PIBF1: variants seen among roughly 807,000 people sequenced by gnomAD.
PIBF1 encodes progesterone immunomodulatory binding factor 1, also known as progesterone-induced-blocking factor 1.
In PIBF1, 90 loss-of-function variants were observed where a neutral mutation model predicts 112.5. The observed-to-expected ratio is 0.80, with a 90% CI of 0.67 to 0.95. The LOEUF is 0.95. Ranked by LOEUF, PIBF1 falls within the 40% of genes least tolerant of loss-of-function variation. The probability of loss-of-function intolerance (pLI) is 0.00; values close to 1 mark genes in which losing one functional copy is unlikely to be tolerated. For missense variants in PIBF1, 915 were observed against 852.3 expected (o/e 1.07, Z -0.92); for synonymous variants, 301 against 288.6 (o/e 1.04, Z -0.44).
At chr13:72,959,067 C>T (rs1044808761) in intron 14 of PIBF1, among the ~76,000 whole-genome samples, 17 of 151,928 alleles carry the variant, frequency 1.1e-4, no homozygotes, top group African/African-American at 2.9e-4. Context: ...GGCGTGATCT[C>T]GGCTCACTGC....
Position 72,943,370 on chromosome 13 carries a change from A to G in PIBF1, c.1833+12103A>G, listed in dbSNP as rs145685413. Among the ~76,000 whole-genome samples the G allele has an allele frequency of 1.5e-3, 223 of 152,378 alleles. 2 individuals carry two copies. The East Asian group carries it at 0.029, about 20-fold the overall frequency. On this transcript the variant is annotated intron_variant, in intron 14 of 17. Coordinates refer to ENST00000326291, the MANE Select transcript of PIBF1 (RefSeq NM_006346.4). Reference sequence around the variant, plus strand: ...AAGATTTGAAATGTTCCTAATACAAAGAAATGACAAATGTTTAAGGTTATT... The same window carrying G: ...AAGATTTGAAATGTTCCTAATACAAGGAAATGACAAATGTTTAAGGTTATT...
intron 11 of PIBF1, 80 bp from the exon 12 acceptor site, chr13:72,908,451 G>C: frequency 1.3e-6 from 1 of 777,998 alleles, no homozygotes; most frequent in Non-Finnish European, 1.9e-6. Flanking sequence ...AAAGCCCTAT[G>C]AATGTCTTTG....
At chr13:72,864,312 C>G (rs1318755016) in intron 10 of PIBF1, among the ~76,000 whole-genome samples, 2 of 152,134 alleles carry the variant, frequency 1.3e-5, no homozygotes, top group Non-Finnish European at 2.9e-5. Flanking sequence ...TTCGGGGTTA[C>G]ACGTTGAGAG....
intron 14 of PIBF1, among the ~76,000 whole-genome samples, chr13:72,938,485 C>G (rs149291256): frequency 6.6e-6 from 1 of 152,254 alleles, no homozygotes; most frequent in African/African-American, 2.4e-5. Context: ...TGGCTCCTTT[C>G]ACTTAGCATA....
chr13:72,902,688 C>T (rs180789125), intron 11 of PIBF1, among the ~76,000 whole-genome samples: 106 of 152,204 alleles, frequency 7.0e-4, no homozygotes, highest in African/African-American at 2.5e-3. Context: ...AAGTGTCCAA[C>T]AGTAGATAAA....
At chr13:72,871,564 A>C (rs1178952789) in intron 10 of PIBF1, among the ~76,000 whole-genome samples, 1 of 152,080 alleles carries the variant, frequency 6.6e-6, no homozygotes, top group Non-Finnish European at 1.5e-5. Context: ...TCGGCCTCCT[A>C]AAGTGCTGAG....
intron 12 of PIBF1, among the ~76,000 whole-genome samples, chr13:72,910,828 C>T (rs1445026967): frequency 1.3e-5 from 2 of 152,060 alleles, no homozygotes; most frequent in Non-Finnish European, 2.9e-5. Context: ...ACACAAAATA[C>T]TTAGGAATAA....
intron 11 of PIBF1, among the ~76,000 whole-genome samples, chr13:72,900,671 T>G (rs1050732127): frequency 6.6e-6 from 1 of 152,138 alleles, no homozygotes; most frequent in African/African-American, 2.4e-5. Flanking sequence ...CAGAAAACCC[T>G]TCTAGGCATT....
At chr13:72,791,568 T>A (rs2034931248) in intron 2 of PIBF1, among the ~76,000 whole-genome samples, 1 of 152,234 alleles carries the variant, frequency 6.6e-6, no homozygotes, top group South Asian at 2.1e-4. Flanking sequence ...CACTGTATTA[T>A]GCCACAGTGT....
intron 17 of PIBF1, among the ~76,000 whole-genome samples, chr13:73,013,754 G>GAAA (rs918001805): frequency 8.9e-6 from 1 of 112,644 alleles, no homozygotes. Context: ...AAAAAAAAAA[G>GAAA]AAAAAGAAAA....
intron 9 of PIBF1, among the ~76,000 whole-genome samples, chr13:72,848,584 G>A (rs536713121): frequency 6.6e-4 from 100 of 152,202 alleles, no homozygotes; most frequent in African/African-American, 2.2e-3. Flanking sequence ...GGTGGCTCAC[G>A]CCTGTAGTCC....
intron 12 of PIBF1, among the ~76,000 whole-genome samples, chr13:72,913,764 A>C (rs1203369168): frequency 1.3e-5 from 2 of 151,938 alleles, no homozygotes; most frequent in Non-Finnish European, 2.9e-5. Context: ...TCTGTCTCAA[A>C]AAAAAAAAAA....
chr13:73,012,077 T>C (rs2044220319), intron 17 of PIBF1, among the ~76,000 whole-genome samples: 1 of 151,952 alleles, frequency 6.6e-6, no homozygotes, highest in Non-Finnish European at 1.5e-5. Context: ...GCTGGCCGGG[T>C]GCAGTGGCTC....
intron 2 of PIBF1, among the ~76,000 whole-genome samples, chr13:72,784,025 A>G (rs2034453637): frequency 6.6e-6 from 1 of 152,190 alleles, no homozygotes; most frequent in African/African-American, 2.4e-5. Context: ...ATAGTTAATG[A>G]CATTGTAATC....
At chr13:72,800,095 G>A (rs1414407071) in intron 5 of PIBF1, among the ~76,000 whole-genome samples, 1 of 152,226 alleles carries the variant, frequency 6.6e-6, no homozygotes, top group Non-Finnish European at 1.5e-5. Context: ...GAGTGCAGTG[G>A]TGCCATGTCT....
chr13:72,973,617 T>C lies in PIBF1; in HGVS notation c.1991T>C (p.Leu664Ser). ...VSNLNKEKSA[L>S]LQTKNQMALD... is the part of the protein sequence containing the mutation. ...AACTTAAATAAAGAAAAGTCAGCTT[T>C]ACTACAGACGAAGAATCAAATGGCA... Residue 664 changes from leucine (L) to serine (S), a missense_variant, in exon 16 of 18, where the codon TTA (leucine) becomes TCA (serine). Physicochemically the swap from Leu to Ser is moderately radical, Grantham distance 145. Transcript: ENST00000326291. 6.3e-7 allele frequency: 1 copy of C among 1,575,326 alleles called. No homozygotes were observed. The highest frequency in any genetic ancestry group is 8.6e-7 in the Non-Finnish European group (1 of 1,162,062).
chr13:72,974,666 A>G (rs774350138), intron 16 of PIBF1, among the ~76,000 whole-genome samples: 16 of 152,164 alleles, frequency 1.1e-4, no homozygotes, highest in Non-Finnish European at 1.6e-4. Flanking sequence ...AAGCCATTAT[A>G]TGGATGTAAC....
intron 10 of PIBF1, among the ~76,000 whole-genome samples, chr13:72,877,331 T>G (rs1335373317): frequency 6.6e-6 from 1 of 152,192 alleles, no homozygotes. Flanking sequence ...GAGATGTTGG[T>G]CTCTTGGTTT....
intron 10 of PIBF1, among the ~76,000 whole-genome samples, chr13:72,856,865 A>G (rs1385594820): frequency 6.6e-6 from 1 of 152,180 alleles, no homozygotes; most frequent in African/African-American, 2.4e-5. Context: ...AAACTTGACA[A>G]ACCAACACTA....
Sources: allele counts gnomAD v4.1 joint callset (sites outside exome capture counted in the v4.1 genomes callset), GRCh38; gene constraint gnomAD v4.1.1; transcripts MANE v1.5; gene names NCBI Gene and HGNC (gene_info 2026-07-23, HGNC 2026-07-21).